The following TRMT1L variants were observed in gnomAD, a reference collection of about 807,000 sequenced individuals.
TRMT1L encodes the protein tRNA methyltransferase 1L.
Under a neutral mutation model 81.6 loss-of-function variants are expected in TRMT1L, and 28 were observed. The observed-to-expected ratio is 0.34, with a 90% confidence interval of 0.25 to 0.47. TRMT1L has a LOEUF of 0.47. Among genes scored for constraint, TRMT1L ranks in the 20% least tolerant of loss-of-function variants. TRMT1L has a pLI of 1.00. For missense variants in TRMT1L, 739 were observed against 877.1 expected, an observed-to-expected ratio of 0.84 and a Z score of 1.99; for synonymous variants, 301 against 303.2, an observed-to-expected ratio of 0.99 and a Z score of 0.07.
In TRMT1L at chr1:185,156,938, T is replaced by G; in HGVS notation, c.-226A>C. 4 of 608,862 alleles carry G rather than the reference T, an allele frequency of 6.6e-6. 1 individual carries two copies. Among genetic ancestry groups the G allele is most frequent in the Non-Finnish European group, 8.2e-6 (3 of 367,098 alleles). 37.7% of individuals were successfully genotyped at this position (608,862 alleles called of 1,614,324 possible). A position where few individuals can be genotyped will look rare whatever the true frequency, so the allele number is the denominator to read the frequency against. On this transcript the variant is annotated 5_prime_UTR_variant, in exon 1 of 15. Coordinates refer to ENST00000367506, the MANE Select transcript of TRMT1L (RefSeq NM_030934.5). ...ATTCCAGATGCCCGTCCGCTTCCCT[T>G]TCCCCGAGGCGTTACGACGCCACCA...
upstream of TRMT1L, chr1:185,157,400 G>C (rs1311931882): frequency 6.6e-6 from 1 of 152,624 alleles, no homozygotes; most frequent in Non-Finnish European, 1.5e-5. Flanking sequence ...CGGGCGGCCG[G>C]CCGGACTGGG....
In TRMT1L at chr1:185,139,543, T is replaced by C. The variant is rs376621683; in HGVS notation, c.1146A>G (p.Leu382=). 28 of 1,613,416 alleles carry C rather than the reference T, an allele frequency of 1.7e-5. No individual in the cohort carries two copies. The highest frequency in any genetic ancestry group is 2.3e-5 in the Non-Finnish European group (27 of 1,179,900). ...TTCTTATATTTCTGAATGCAGAATC[T>C]AGATAATTCACTGATGTTCCAAAAG... is the stretch of plus-strand genomic sequence containing the variant. The part of the protein sequence containing the change: ...LDPFGTSVNY[L]DSAFRNIRNL... The change falls in exon 9 of 15, where the codon CTA becomes CTG. Residue 382 remains leucine (L), a synonymous_variant. Coordinates refer to ENST00000367506, the MANE Select transcript of TRMT1L (RefSeq NM_030934.5).
chr1:185,138,031 C>T lies in TRMT1L; in HGVS notation c.1323-235G>A, dbSNP rs111383046. Among the ~76,000 whole-genome samples, 609 of 152,210 alleles carry T rather than the reference C, an allele frequency of 4.0e-3. 2 individuals carry two copies. Among genetic ancestry groups the T allele is most frequent in the Non-Finnish European group, 6.8e-3 (461 of 68,008 alleles). Reference sequence around the variant, plus strand: ...TTCAGTTTCTAGACATTTTCCCTTGCGATATCCTCTCAATAGGGCAATATT... The same window carrying T: ...TTCAGTTTCTAGACATTTTCCCTTGTGATATCCTCTCAATAGGGCAATATT... On this transcript the variant is annotated intron_variant, in intron 9 of 14. Transcript: ENST00000367506.
chr1:185,131,086 G>A (rs1246126963), intron 10 of TRMT1L, among the ~76,000 whole-genome samples: 7 of 151,684 alleles, frequency 4.6e-5, no homozygotes, highest in Non-Finnish European at 8.8e-5. Flanking sequence ...TGCAAGCTCC[G>A]CCTCCCAGGT....
At chr1:185,123,495 T>G (rs544625152) in intron 13 of TRMT1L, among the ~76,000 whole-genome samples, 8 of 152,084 alleles carry the variant, frequency 5.3e-5, no homozygotes, top group Non-Finnish European at 1.2e-4. Flanking sequence ...TTAAATGGAA[T>G]TGCTATAAAT....
intron 1 of TRMT1L, among the ~76,000 whole-genome samples, chr1:185,153,947 T>A (rs1400299242): frequency 6.6e-6 from 1 of 152,226 alleles, no homozygotes; most frequent in Non-Finnish European, 1.5e-5. Flanking sequence ...TTTGTATAAT[T>A]TGTGTCCTTG....
intron 10 of TRMT1L, among the ~76,000 whole-genome samples, chr1:185,132,806 G>A (rs954704052): frequency 6.6e-6 from 1 of 152,152 alleles, no homozygotes; most frequent in Non-Finnish European, 1.5e-5. Flanking sequence ...TTGGTACTTA[G>A]CCATGCAATA....
At chr1:185,156,310 T>C (rs1653558366) in intron 1 of TRMT1L, among the ~76,000 whole-genome samples, 168 bp downstream of exon 1, 1 of 152,202 alleles carries the variant, frequency 6.6e-6, no homozygotes, top group African/African-American at 2.4e-5. Context: ...CCGTCTCCCA[T>C]TCTGTAACCC....
At chr1:185,127,764 A>G (rs1339261098) in intron 11 of TRMT1L, among the ~76,000 whole-genome samples, 1 of 150,418 alleles carries the variant, frequency 6.6e-6, no homozygotes, top group African/African-American at 2.4e-5. Flanking sequence ...TGTCTCAAAA[A>G]AAAAAAAAAA....
Position 185,137,805 on chromosome 1 carries a change from A to G in TRMT1L, c.1323-9T>C, listed in dbSNP as rs1241848486. On this transcript the variant is annotated splice_polypyrimidine_tract_variant and intron_variant, in intron 9 of 14. Coordinates refer to ENST00000367506, the MANE Select transcript of TRMT1L (RefSeq NM_030934.5). ...TGCATCGGGCTGCAGCTCTACAATA[A>G]ATTTTTTCAAGTTATTTTGTGGGCT... 6.2e-7 allele frequency: 1 copy of G among 1,609,156 alleles called. No individual in the cohort carries two copies. Among genetic ancestry groups the G allele is most frequent in the Non-Finnish European group, 8.5e-7 (1 of 1,178,320 alleles).
intron 7 of TRMT1L, among the ~76,000 whole-genome samples, chr1:185,142,120 G>A (rs1246062979): frequency 3.9e-5 from 6 of 152,174 alleles, no homozygotes; most frequent in South Asian, 4.1e-4. Context: ...AAATCCAAGC[G>A]ACTTGGGAAA....
At chr1:185,125,909 TG>T (rs1417730136) in intron 11 of TRMT1L, among the ~76,000 whole-genome samples, 1 of 151,970 alleles carries the variant, frequency 6.6e-6, no homozygotes, top group Non-Finnish European at 1.5e-5. Context: ...GGTGGTAGGG[TG>T]GGGCAGGACA....
At chr1:185,137,909 G>T in intron 9 of TRMT1L, 113 bp from the exon 10 acceptor site, 1 of 998,756 alleles carries the variant, frequency 1.0e-6, no homozygotes, top group Non-Finnish European at 1.4e-6. Context: ...GGGACATCAA[G>T]AAAAATTCAA....
At chr1:185,124,298 G>A (rs1449506708) in intron 12 of TRMT1L, among the ~76,000 whole-genome samples, 6 of 151,046 alleles carry the variant, frequency 4.0e-5, no homozygotes, top group Admixed American at 3.3e-4. Flanking sequence ...TCTTTTTCTA[G>A]AAAGCACATC....
At position 185,124,951 on chromosome 1, in the gene TRMT1L, G is replaced by C; in HGVS notation, c.1752C>G (p.Asn584Lys). 1 of 1,610,078 alleles carries C rather than the reference G, an allele frequency of 6.2e-7. No individual in the cohort carries two copies. The highest frequency in any genetic ancestry group is 8.5e-7 in the Non-Finnish European group (1 of 1,177,816). The part of the protein sequence containing the change: ...QFSIHASSNV[N>K]KQEENGVFIK... ...TAGCGTTCAGTTAGTCACCTTGCTT[G>C]TTGACATTTGAAGATGCATGAATTG... The change falls in exon 12 of 15, where the codon AAC becomes AAG. Residue 584 changes from asparagine (N) to lysine (K), a missense_variant. Around this residue, in one of 4 missense-constraint regions of TRMT1L, gnomAD observed 196 missense variants for 232.6 expected, o/e 0.84. Coordinates refer to ENST00000367506, the MANE Select transcript of TRMT1L (RefSeq NM_030934.5).
Position 185,150,425 on chromosome 1 carries a change from A to C in TRMT1L, c.414T>G (p.Arg138=), listed in dbSNP as rs1653309758. 2 of 1,613,854 alleles carry C rather than the reference A, an allele frequency of 1.2e-6. No individual in the cohort carries two copies. Among genetic ancestry groups the C allele is most frequent in the Non-Finnish European group, 8.5e-7 (1 of 1,179,890 alleles). The change falls in exon 3 of 15, where the codon CGT becomes CGG. Residue 138 remains arginine, a synonymous_variant. Coordinates refer to ENST00000367506, the MANE Select transcript of TRMT1L (RefSeq NM_030934.5). The part of the protein sequence containing the change: ...KFRACNSHKL[R]RHLQNLHWKV... ...TCCAGTGTAAATTCTGGAGGTGACG[A>C]CGAAGCTTATGGCTATTACAAGCTC...
At chr1:185,124,824 T>G in intron 12 of TRMT1L, 120 bp downstream of exon 12, 1 of 963,540 alleles carries the variant, frequency 1.0e-6, no homozygotes, top group Admixed American at 3.1e-5. Context: ...AGAGAAGATT[T>G]ACTAAAAACA....
intron 13 of TRMT1L, among the ~76,000 whole-genome samples, chr1:185,121,640 C>T (rs1203333419): frequency 1.3e-5 from 2 of 151,944 alleles, no homozygotes; most frequent in African/African-American, 4.8e-5. Context: ...TAATGAGGCA[C>T]CTAGTCAAAG....
At chr1:185,150,632 G>A in intron 2 of TRMT1L, 140 bp from the exon 3 acceptor site, 1 of 664,686 alleles carries the variant, frequency 1.5e-6, no homozygotes, top group Non-Finnish European at 2.6e-6. Flanking sequence ...CATTATTCTT[G>A]ACCCAGGAGA....
Sources: allele counts gnomAD v4.1 joint callset (sites outside exome capture counted in the v4.1 genomes callset), GRCh38; gene constraint gnomAD v4.1.1; regional missense constraint gnomAD v4.1.1; transcripts MANE v1.5; gene names NCBI Gene and HGNC (gene_info 2026-07-23, HGNC 2026-07-21).